Variants in GATC observed in about 807,000 individuals in gnomAD.
GATC encodes glutamyl-tRNA(Gln) amidotransferase subunit C, mitochondrial.
GATC carries 11 observed loss-of-function variants against 14.4 expected under a neutral mutation model. That is an observed-to-expected ratio of 0.77 (90% CI 0.48 to 1.27). The LOEUF is 1.27. Ranked by LOEUF, GATC falls within the 50% of genes most tolerant of loss-of-function variation. The pLI, the probability that GATC is intolerant of heterozygous loss-of-function variation, is 0.00. For missense variants in GATC, 204 were observed against 183.0 expected (o/e 1.11, Z -0.66); for synonymous variants, 76 against 79.3 (o/e 0.96, Z 0.22).
At position 120,461,516 on chromosome 12, in the gene GATC, C is replaced by G. The variant is rs1333977995; in HGVS notation, c.*1557C>G. 1 of 152,088 alleles carries G rather than the reference C, an allele frequency of 6.6e-6. No individual in the cohort carries two copies. The highest frequency in any genetic ancestry group is 1.5e-5 in the Non-Finnish European group (1 of 68,050). The allele number at this position is 152,088 out of a possible 1,614,324, so 9.4% of individuals were successfully genotyped here. A position where few individuals can be genotyped will look rare whatever the true frequency, so the allele number is the denominator to read the frequency against. On this transcript the variant is annotated 3_prime_UTR_variant, in exon 4 of 4. Transcript: ENST00000551765. Reference sequence around the variant, plus strand: ...GCTCTTGGAGTTTACGTTCTCAAACCAACATCAGAGCAACTGTCTATCCCC... The same window carrying G: ...GCTCTTGGAGTTTACGTTCTCAAACGAACATCAGAGCAACTGTCTATCCCC...
intron 2 of GATC, among the ~76,000 whole-genome samples, chr12:120,451,392 C>T (rs1477161531): frequency 2.0e-5 from 3 of 148,134 alleles, no homozygotes; most frequent in Non-Finnish European, 4.5e-5. Context: ...TGCAGTCAGC[C>T]AAGATGGAGC....
chr12:120,457,039 C>G (rs1223426215), intron 2 of GATC, 37 bp from the exon 3 acceptor site: 2 of 1,429,856 alleles, frequency 1.4e-6, no homozygotes, highest in African/African-American at 1.4e-5. Flanking sequence ...AAGCCCCCTT[C>G]TCTGAGAGGG....
chr12:120,447,916 G>A (rs774409990), intron 2 of GATC, among the ~76,000 whole-genome samples: 14 of 151,580 alleles, frequency 9.2e-5, no homozygotes, highest in Non-Finnish European at 1.9e-4. Context: ...ACTTGGCCTG[G>A]CTAATTTTTT....
intron 2 of GATC, among the ~76,000 whole-genome samples, chr12:120,449,148 G>C (rs965705754): frequency 2.6e-5 from 4 of 151,556 alleles, no homozygotes; most frequent in African/African-American, 9.7e-5. Context: ...ATTTTTAGTA[G>C]AGATGAGGTT....
intron 3 of GATC, among the ~76,000 whole-genome samples, chr12:120,457,732 AG>A (rs1878226204): frequency 1.3e-5 from 2 of 148,878 alleles, no homozygotes; most frequent in South Asian, 4.2e-4. Flanking sequence ...CAGGCTCCCC[AG>A]TAGCTGGGAT....
chr12:120,459,947 C>G lies in GATC; in HGVS notation c.399C>G (p.Phe133Leu). The G allele has an allele frequency of 6.2e-7, 1 of 1,612,210 alleles. No individual in the cohort carries two copies. Among genetic ancestry groups the G allele is most frequent in the Non-Finnish European group, 8.5e-7 (1 of 1,178,436 alleles). ...SLPKLDEQEP[F>L]PHS ...CAAAGCTGGATGAACAAGAGCCATT[C>G]CCACACAGCTGAGTAGCTCATTCTG... Residue 133 changes from phenylalanine to leucine, a missense_variant, in exon 4 of 4, where the codon TTC (phenylalanine) becomes TTG (leucine). Coordinates refer to ENST00000551765, the MANE Select transcript of GATC (RefSeq NM_176818.3).
chr12:120,454,037 G>C (rs1350329508), intron 2 of GATC, among the ~76,000 whole-genome samples: 1 of 152,150 alleles, frequency 6.6e-6, no homozygotes, highest in African/African-American at 2.4e-5. Context: ...TTGATTACTT[G>C]ATGAGTAAAT....
In GATC at chr12:120,451,875, C is replaced by CTTTTTTTTTTTTTTTTTTTTTTTTTT. The variant is rs1170221029; in HGVS notation, c.254+5066_254+5067insTTTTTTTTTTTTTTTTTTTTTTTTTT. ...CAGGGGCTAATAAATTATATAAATT[C>CTTTTTTTTTTTTTTTTTTTTTTTTTT]TTTTTTTTTTTTTTTTTTTTGAGCT... On this transcript the variant is annotated intron_variant, in intron 2 of 3. Coordinates refer to ENST00000551765, the MANE Select transcript of GATC (RefSeq NM_176818.3). 7.7e-5 allele frequency among the ~76,000 whole-genome samples: 7 copies of CTTTTTTTTTTTTTTTTTTTTTTTTTT among 90,794 alleles called. 1 individual carries two copies. The highest frequency in any genetic ancestry group is 1.7e-4 in the African/African-American group (4 of 23,936). 59.6% of individuals were successfully genotyped at this position (90,794 alleles called of 152,430 possible).
intron 2 of GATC, 128 bp downstream of exon 2, chr12:120,446,957 C>T: frequency 1.2e-6 from 1 of 843,586 alleles, no homozygotes. Flanking sequence ...TGCCCACAGT[C>T]ACCTCGCGAG....
In GATC at chr12:120,455,281, G is replaced by A. The variant is rs7306754; in HGVS notation, c.255-1795G>A. ...CCTCCTGGGTTCAGGCGATTCTCCC[G>A]CCTCAGCCTCCCGAGTAGTTGGGAT... On this transcript the variant is annotated intron_variant, in intron 2 of 3. Coordinates refer to ENST00000551765, the MANE Select transcript of GATC (RefSeq NM_176818.3). 5.8e-4 allele frequency among the ~76,000 whole-genome samples: 88 copies of A among 151,756 alleles called. No homozygotes were observed. The East Asian group carries it at 0.016, about 27-fold the overall frequency.
Position 120,446,496 on chromosome 12 carries a change from G to A in GATC, c.16G>A (p.Val6Met). The A allele has an allele frequency of 1.2e-6, 2 of 1,607,626 alleles. No homozygotes were observed. The highest frequency in any genetic ancestry group is 1.7e-6 in the Non-Finnish European group (2 of 1,176,240). The change falls in exon 1 of 4, where the codon GTG becomes ATG. Residue 6 changes from valine to methionine, a missense_variant. Physicochemically the swap from Val to Met is conservative, Grantham distance 21. Coordinates refer to ENST00000551765, the MANE Select transcript of GATC (RefSeq NM_176818.3). MWSRL[V>M]WLGLRAPLGG... ...GAAGGAAGAAATGTGGTCGCGGTTG[G>A]TGTGGCTGGGCCTTCGGGCCCCTCT...
At position 120,461,868 on chromosome 12, in the gene GATC, T is replaced by C. The variant is rs1878349098; in HGVS notation, c.*1909T>C. 1 of 797,254 alleles carries C rather than the reference T, an allele frequency of 1.3e-6. No individual in the cohort carries two copies. The highest frequency in any genetic ancestry group is 3.1e-5 in the South Asian group (1 of 32,378). 49.4% of individuals were successfully genotyped at this position (797,254 alleles called of 1,614,324 possible). On this transcript the variant is annotated 3_prime_UTR_variant, in exon 4 of 4. Transcript: ENST00000551765. The stretch of plus-strand genomic sequence containing the variant: ...AAATGTTTCACTGCTAATATGGCCC[T>C]GGTAGAAATTATGTAGTTTTTTTTC...
At chr12:120,447,635 A>G (rs180767544) in intron 2 of GATC, among the ~76,000 whole-genome samples, 134 of 152,158 alleles carry the variant, frequency 8.8e-4, no homozygotes, top group Non-Finnish European at 1.3e-3. Context: ...CCTTCTAGTT[A>G]GTAACTCATC....
Position 120,462,202 on chromosome 12 carries a change from A to C in GATC, c.*2243A>C. Reference sequence around the variant, plus strand: ...AAAACAAAAAGAGTAAAGGGGAAAAAAATCAGAGCCAGAAGAATAAGCAAA... The same window carrying C: ...AAAACAAAAAGAGTAAAGGGGAAAACAATCAGAGCCAGAAGAATAAGCAAA... On this transcript the variant is annotated 3_prime_UTR_variant, in exon 4 of 4. Coordinates refer to ENST00000551765, the MANE Select transcript of GATC (RefSeq NM_176818.3). The C allele has an allele frequency of 6.4e-7, 1 of 1,571,272 alleles. No individual in the cohort carries two copies. Among genetic ancestry groups the C allele is most frequent in the South Asian group, 1.2e-5 (1 of 86,728 alleles).
Position 120,446,688 on chromosome 12 carries a change from A to G in GATC, c.113A>G (p.Glu38Gly), listed in dbSNP as rs1877876983. The stretch of plus-strand genomic sequence containing the variant: ...GGCCGGATCACGGCTGCGGTGATCG[A>G]GCACCTGGAGCGTCTAGCGCTTGTG... ...GSGRITAAVI[E>G]HLERLALVDF... The change falls in exon 2 of 4, where the codon GAG (glutamate) becomes GGG (glycine). Residue 38 changes from glutamate to glycine, a missense_variant. Coordinates refer to ENST00000551765, the MANE Select transcript of GATC (RefSeq NM_176818.3). The G allele has an allele frequency of 1.9e-6, 3 of 1,613,452 alleles. No homozygotes were observed. Among genetic ancestry groups the G allele is most frequent in the Non-Finnish European group, 2.5e-6 (3 of 1,179,798 alleles).
intron 3 of GATC, 134 bp from the exon 4 acceptor site, chr12:120,459,773 G>A (rs1408709331): frequency 2.7e-5 from 14 of 527,248 alleles, no homozygotes; most frequent in East Asian, 4.1e-5. Flanking sequence ...GGAGAATGGC[G>A]TGAACCCCAG....
Position 120,457,077 on chromosome 12 carries a change from T to A in GATC, c.256T>A (p.Cys86Ser). ...EPMESVLEDR[C>S]LYLRSDNVVE... The stretch of plus-strand genomic sequence containing the variant: ...ACCTTGAGCTTCTGGGTTTTGTAGA[T>A]GTCTATACCTGAGATCCGACAATGT... The change falls in exon 3 of 4, where the codon TGT becomes AGT. Residue 86 changes from cysteine (C) to serine (S), a missense_variant and splice_region_variant. Transcript: ENST00000551765. The A allele has an allele frequency of 6.2e-7, 1 of 1,610,138 alleles. No homozygotes were observed. Among genetic ancestry groups the A allele is most frequent in the Non-Finnish European group, 8.5e-7 (1 of 1,176,384 alleles).
At chr12:120,451,413 C>T (rs562219327) in intron 2 of GATC, among the ~76,000 whole-genome samples, 1 of 152,110 alleles carries the variant, frequency 6.6e-6, no homozygotes, top group East Asian at 1.9e-4. Context: ...CACTGCACTC[C>T]AGCCTGGGCG....
intron 3 of GATC, among the ~76,000 whole-genome samples, chr12:120,459,164 C>CTAAA (rs1878262359): frequency 6.6e-6 from 1 of 151,988 alleles, no homozygotes; most frequent in South Asian, 2.1e-4. Flanking sequence ...CGGCCGTGAG[C>CTAAA]TAAACTCTTA....
Sources: gnomAD v4.1 joint callset for allele counts (sites outside exome capture counted in the v4.1 genomes callset) on GRCh38, gnomAD v4.1.1 for gene constraint, MANE v1.5 for transcripts, NCBI Gene and HGNC (gene_info 2026-07-23, HGNC 2026-07-21) for gene names.